Variants in ACSL1 observed in about 807,000 individuals in gnomAD.
ACSL1 encodes long-chain-fatty-acid--CoA ligase 1.
A neutral mutation model predicts 98.4 loss-of-function variants in ACSL1; 41 were observed. The ratio of observed to expected loss-of-function variants is 0.42; its 90% CI spans 0.32 to 0.54. The LOEUF (loss-of-function observed/expected upper bound fraction) is 0.54. ACSL1 is among the 20% of genes least tolerant of loss of function. ACSL1 has a pLI of 0.13. For synonymous variants in ACSL1, 316 were observed against 322.7 expected (o/e 0.98, Z 0.22); for missense variants, 734 against 883.1 (o/e 0.83, Z 2.14).
chr4:184,767,779 C>T (rs772107775), intron 12 of ACSL1, among the ~76,000 whole-genome samples: 7 of 152,222 alleles, frequency 4.6e-5, no homozygotes, highest in South Asian at 2.1e-4. Context: ...ATGCCCCTCG[C>T]GCCTGGCCCT....
At chr4:184,784,203 G>C (rs918223814) in intron 3 of ACSL1, among the ~76,000 whole-genome samples, 2 of 152,046 alleles carry the variant, frequency 1.3e-5, no homozygotes, top group Non-Finnish European at 2.9e-5. Context: ...TGTTTAAGTG[G>C]GGCAGGAGAG....
At chr4:184,809,946 T>C (rs75167871) in intron 1 of ACSL1, among the ~76,000 whole-genome samples, 1 of 152,366 alleles carries the variant, frequency 6.6e-6, no homozygotes, top group East Asian at 1.9e-4. Flanking sequence ...ACATTCACAT[T>C]TTCCTCTTCC....
chr4:184,809,657 G>A (rs1052155226), intron 1 of ACSL1, among the ~76,000 whole-genome samples: 6 of 151,974 alleles, frequency 3.9e-5, no homozygotes, highest in South Asian at 4.1e-4. Context: ...TTAGCCAGGC[G>A]TGGTGGCAGG....
intron 1 of ACSL1, chr4:184,812,157 T>C (rs1296609734): frequency 1.0e-6 from 1 of 983,510 alleles, no homozygotes; most frequent in East Asian, 1.1e-4. Flanking sequence ...GTCTTACACT[T>C]ACAGCGAATG....
intron 1 of ACSL1, among the ~76,000 whole-genome samples, chr4:184,815,350 C>T (rs1772533171): frequency 6.6e-6 from 1 of 152,138 alleles, no homozygotes; most frequent in Non-Finnish European, 1.5e-5. Context: ...CCGTCAGGAG[C>T]CTCTGCCTCT....
chr4:184,780,380 C>A lies in ACSL1; in HGVS notation c.429G>T (p.Lys143Asn), dbSNP rs148443602. 5.0e-6 allele frequency: 8 copies of A among 1,613,822 alleles called. No homozygotes were observed. In the South Asian group the frequency reaches 6.6e-5, roughly 13 times the overall value. The change falls in exon 5 of 21, where the codon AAG becomes AAT. Residue 143 changes from lysine to asparagine, a missense_variant. By Grantham distance (94) the Lys-to-Asn change is moderately conservative. Coordinates refer to ENST00000281455, the MANE Select transcript of ACSL1 (RefSeq NM_001995.5). ...TGCCAATGAACTGATCTGGGGCAGT[C>A]TTGAAGCCCTTCTGGATCAGTGCTG... The part of the protein sequence containing the change: ...IGSALIQKGF[K>N]TAPDQFIGIF...
At chr4:184,810,902 G>T (rs974256996) in intron 1 of ACSL1, among the ~76,000 whole-genome samples, 1 of 152,122 alleles carries the variant, frequency 6.6e-6, no homozygotes, top group African/African-American at 2.4e-5. Flanking sequence ...GGTTGTTACT[G>T]CCTTCAGCTC....
At chr4:184,819,886 G>T (rs911528011) in intron 1 of ACSL1, among the ~76,000 whole-genome samples, 8 of 152,140 alleles carry the variant, frequency 5.3e-5, no homozygotes, top group African/African-American at 1.7e-4. Context: ...TGACAATTCT[G>T]GTTCACGATG....
intron 12 of ACSL1, 53 bp downstream of exon 12, chr4:184,768,263 C>T (rs1233938922): frequency 6.4e-7 from 1 of 1,562,770 alleles, no homozygotes; most frequent in Non-Finnish European, 8.6e-7. Flanking sequence ...CAAGCCCAAG[C>T]CCCTGCGTCC....
intron 14 of ACSL1, 78 bp from the exon 15 acceptor site, chr4:184,765,003 T>G (rs1475020132): frequency 2.1e-6 from 3 of 1,407,160 alleles, no homozygotes; most frequent in Non-Finnish European, 3.0e-6. Context: ...CAATGAAGTC[T>G]CACTAACTCC....
Position 184,803,439 on chromosome 4 carries a change from G to A in ACSL1, c.76C>T (p.Pro26Ser). The A allele has an allele frequency of 6.2e-7, 1 of 1,614,028 alleles. No homozygotes were observed. Among genetic ancestry groups the A allele is most frequent in the East Asian group, 2.2e-5 (1 of 44,878 alleles). Residue 26 changes from proline (P) to serine (S), a missense_variant, in exon 2 of 21, where the codon CCG becomes TCG. Coordinates refer to ENST00000281455, the MANE Select transcript of ACSL1 (RefSeq NM_001995.5). This position sits in a 1 kb window ranked among gnomAD's most constrained non-coding sequence, Gnocchi z 4.8. The stretch of plus-strand genomic sequence containing the variant: ...CCGAAGCCCATAAGCGTGTTGGTCG[G>A]AAGAGTACGCACGTACTGTCGGAAG... Reference protein sequence around the residue: ...VDFRQYVRTLPTNTLMGFGAF... With the variant: ...VDFRQYVRTLSTNTLMGFGAF...
At chr4:184,762,595 G>T in intron 16 of ACSL1, 72 bp from the exon 17 acceptor site, 2 of 1,284,088 alleles carry the variant, frequency 1.6e-6, no homozygotes, top group Non-Finnish European at 2.3e-6. Context: ...GTGTGCATGT[G>T]TGTACGTGTG....
chr4:184,755,821 T>C lies in ACSL1; in HGVS notation c.*1304A>G, dbSNP rs1762075792. The C allele has an allele frequency of 6.6e-6, 1 of 152,656 alleles. No individual in the cohort carries two copies. The highest frequency in any genetic ancestry group is 6.5e-5 in the Admixed American group (1 of 15,292). 9.5% of individuals were successfully genotyped at this position (152,656 alleles called of 1,614,324 possible). A position where few individuals can be genotyped will look rare whatever the true frequency, so the allele number is the denominator to read the frequency against. Reference sequence around the variant, plus strand: ...TAGTGCAAGCCCTGTTGTGCTTGTATATAATACATGTACTCTCACAGACCC... The same window carrying C: ...TAGTGCAAGCCCTGTTGTGCTTGTACATAATACATGTACTCTCACAGACCC... On this transcript the variant is annotated 3_prime_UTR_variant, in exon 21 of 21. Coordinates refer to ENST00000281455, the MANE Select transcript of ACSL1 (RefSeq NM_001995.5).
At chr4:184,778,464 G>C (rs889155924) in intron 5 of ACSL1, among the ~76,000 whole-genome samples, 3 of 152,182 alleles carry the variant, frequency 2.0e-5, no homozygotes, top group Admixed American at 6.5e-5. Context: ...TCCACTCCCA[G>C]ACACAGGTGT....
intron 1 of ACSL1, among the ~76,000 whole-genome samples, chr4:184,821,985 T>A (rs535918620): frequency 3.3e-5 from 5 of 152,344 alleles, no homozygotes; most frequent in Non-Finnish European, 4.4e-5. Flanking sequence ...CCAGTAAGTA[T>A]GTATGACTCT....
intron 3 of ACSL1, among the ~76,000 whole-genome samples, chr4:184,787,242 C>T (rs1267134501): frequency 2.0e-5 from 3 of 152,202 alleles, no homozygotes; most frequent in African/African-American, 4.8e-5. Context: ...CTCCCTCCTT[C>T]ACTGAGGATG....
chr4:184,758,237 G>A (rs889465565), intron 18 of ACSL1: 1 of 271,692 alleles, frequency 3.7e-6, no homozygotes, highest in African/African-American at 2.2e-5. Context: ...AGTAAACAAG[G>A]TGATGGATAT....
intron 1 of ACSL1, among the ~76,000 whole-genome samples, chr4:184,804,428 A>C (rs1360489547): frequency 2.6e-5 from 4 of 152,036 alleles, no homozygotes; most frequent in Admixed American, 2.6e-4. Flanking sequence ...AAAAATACAA[A>C]AATTAGCCAG....
chr4:184,769,518 A>T (rs1231118965), intron 11 of ACSL1, among the ~76,000 whole-genome samples: 2 of 152,212 alleles, frequency 1.3e-5, no homozygotes, highest in African/African-American at 4.8e-5. Flanking sequence ...TTCTAGGCAC[A>T]CCTCTAAAAC....
Sources: allele counts gnomAD v4.1 joint callset (sites outside exome capture counted in the v4.1 genomes callset), GRCh38; gene constraint gnomAD v4.1.1; non-coding constraint Gnocchi (gnomAD v3.1); transcripts MANE v1.5; gene names NCBI Gene and HGNC (gene_info 2026-07-23, HGNC 2026-07-21).